The following LRBA variants were observed in gnomAD, a reference collection of about 807,000 sequenced individuals.
LRBA encodes lipopolysaccharide-responsive and beige-like anchor protein.
A neutral mutation model predicts 330.0 loss-of-function variants in LRBA; 176 were observed. That is an observed-to-expected ratio of 0.53 (90% CI 0.47 to 0.60). The LOEUF is 0.60. LRBA is among the 20% of genes least tolerant of loss of function. The pLI is 0.00. For missense variants in LRBA, 3,259 were observed against 3,444.8 expected (o/e 0.95, Z 1.35); for synonymous variants, 1,230 against 1,193.0 (o/e 1.03, Z -0.64).
chr4:150,857,679 T>C (rs942940285), intron 22 of LRBA, among the ~76,000 whole-genome samples: 29 of 152,128 alleles, frequency 1.9e-4, no homozygotes, highest in East Asian at 1.2e-3. Context: ...AAGGAACAGA[T>C]AAAGTATGAT....
chr4:150,761,850 A>G lies in LRBA; in HGVS notation c.5581-3T>C. ...TTCTGAATAGAATTTTGCCACTCCT[A>G]TAAAAAAAAAAGCAAAAATAGCTGA... On this transcript the variant is annotated splice_region_variant and splice_polypyrimidine_tract_variant and intron_variant, in intron 34 of 56. Coordinates refer to ENST00000651943, the MANE Select transcript of LRBA (RefSeq NM_001364905.1). 3 of 1,508,462 alleles carry G rather than the reference A, an allele frequency of 2.0e-6. No individual in the cohort carries two copies. Among genetic ancestry groups the G allele is most frequent in the Middle Eastern group, 3.5e-4 (2 of 5,682 alleles). The allele number at this position is 1,508,462 out of a possible 1,614,324, so 93.4% of individuals were successfully genotyped here.
At chr4:150,548,491 T>C (rs1766129987) in intron 40 of LRBA, among the ~76,000 whole-genome samples, 1 of 151,490 alleles carries the variant, frequency 6.6e-6, no homozygotes, top group African/African-American at 2.4e-5. Context: ...ACCAAAACAA[T>C]AGGAAACTGA....
At chr4:150,942,120 A>G (rs1197631407) in intron 2 of LRBA, among the ~76,000 whole-genome samples, 1 of 152,190 alleles carries the variant, frequency 6.6e-6, no homozygotes, top group Non-Finnish European at 1.5e-5. Flanking sequence ...TGAGTCCAAA[A>G]TATTTCCTAA....
intron 37 of LRBA, among the ~76,000 whole-genome samples, chr4:150,682,252 A>G (rs1214716090): frequency 6.6e-6 from 1 of 152,206 alleles, no homozygotes; most frequent in Non-Finnish European, 1.5e-5. Context: ...TTGAAACTCT[A>G]AAACCCTCAA....
At chr4:150,754,521 CAAAAAAAAA>C (rs755838647) in intron 35 of LRBA, among the ~76,000 whole-genome samples, 4 of 86,066 alleles carry the variant, frequency 4.6e-5, no homozygotes, top group Non-Finnish European at 8.3e-5. Context: ...CCTGTCTCAC[CAAAAAAAAA>C]AAAAAAAAAA....
chr4:150,648,167 A>AAAAAAAAAAAAAAAAAAAAAC (rs1268462951), intron 37 of LRBA, among the ~76,000 whole-genome samples: 1 of 142,898 alleles, frequency 7.0e-6, no homozygotes, highest in African/African-American at 2.5e-5. Flanking sequence ...GCAAAAAAAA[A>AAAAAAAAAAAAAAAAAAAAAC]AAAAAAAAAA....
At chr4:150,303,804 A>G (rs1729997715) in intron 52 of LRBA, among the ~76,000 whole-genome samples, 1 of 152,090 alleles carries the variant, frequency 6.6e-6, no homozygotes, top group Admixed American at 6.5e-5. Flanking sequence ...CGATCTCCTG[A>G]CCTTGTAATC....
intron 49 of LRBA, 46 bp downstream of exon 49, chr4:150,325,763 A>T: frequency 8.0e-7 from 1 of 1,246,534 alleles, no homozygotes; most frequent in South Asian, 1.2e-5. Context: ...TATCAAGCGG[A>T]TCTGAAGGAG....
At chr4:150,542,115 A>G (rs367636278) in intron 40 of LRBA, among the ~76,000 whole-genome samples, 4 of 152,318 alleles carry the variant, frequency 2.6e-5, no homozygotes, top group South Asian at 4.2e-4. Flanking sequence ...GTACTTATTA[A>G]CCAGCTTTTT....
intron 17 of LRBA, among the ~76,000 whole-genome samples, chr4:150,889,345 C>CA (rs547457809): frequency 4.3e-4 from 65 of 151,630 alleles, no homozygotes; most frequent in African/African-American, 1.4e-3. Flanking sequence ...TTAATCTCAT[C>CA]AAAAAAACAC....
intron 40 of LRBA, among the ~76,000 whole-genome samples, chr4:150,527,677 C>T (rs1159079675): frequency 6.6e-6 from 1 of 152,178 alleles, no homozygotes; most frequent in Non-Finnish European, 1.5e-5. Flanking sequence ...TTTCTCAGCA[C>T]TATCCTGCTC....
intron 2 of LRBA, among the ~76,000 whole-genome samples, chr4:150,972,798 G>T (rs977610499): frequency 3.9e-5 from 6 of 152,198 alleles, no homozygotes; most frequent in Non-Finnish European, 7.3e-5. Context: ...AAACAAAGCA[G>T]TTATTTCCTG....
In LRBA at chr4:150,852,910, T is replaced by C. The variant is rs771120128; in HGVS notation, c.2800A>G (p.Asn934Asp). The C allele has an allele frequency of 5.0e-6, 8 of 1,587,618 alleles. No individual in the cohort carries two copies. The South Asian group carries it at 9.4e-5, about 19-fold the overall frequency. The change falls in exon 23 of 57, where the codon AAT (asparagine) becomes GAT (aspartate). Residue 934 changes from asparagine to aspartate, a missense_variant. Transcript: ENST00000651943. ...TFEIHKENLA[N>D]IFREQQGKVD... ...TTTCCTTGCTGTTCCCTAAATATAT[T>C]GGCAAGGTTTTCTTTGTGTATTTCA...
chr4:150,848,917 CA>C lies in LRBA; in HGVS notation c.4239del (p.Val1414TrpfsTer33), dbSNP rs2126905499. On this transcript the variant is annotated frameshift_variant, in exon 26 of 57. Coordinates refer to ENST00000651943, the MANE Select transcript of LRBA (RefSeq NM_001364905.1). LOFTEE classifies it high-confidence loss of function. The part of the protein sequence containing the change: ...SVTFLQRLIS[L>X]VDVLIFASSL... ...GAACTTGCAAATATAAGCACATCCA[CA>C]AGGCTAATTAGCCTCTGCAAAAATG... 6.2e-7 allele frequency: 1 copy of C among 1,612,812 alleles called. No homozygotes were observed. The highest frequency in any genetic ancestry group is 8.5e-7 in the Non-Finnish European group (1 of 1,179,082).
At chr4:150,516,278 C>G (rs1762354672) in intron 40 of LRBA, among the ~76,000 whole-genome samples, 1 of 119,520 alleles carries the variant, frequency 8.4e-6, no homozygotes, top group Non-Finnish European at 1.6e-5. Flanking sequence ...AAGCTGATAG[C>G]ACAGCTTAAT....
At chr4:150,731,608 T>G (rs1213621025) in intron 36 of LRBA, among the ~76,000 whole-genome samples, 2 of 152,150 alleles carry the variant, frequency 1.3e-5, no homozygotes, top group African/African-American at 4.8e-5. Flanking sequence ...ATTGAACTTG[T>G]TCAGTTGAAC....
intron 32 of LRBA, 133 bp from the exon 33 acceptor site, chr4:150,806,537 A>C: frequency 2.4e-6 from 1 of 420,284 alleles, no homozygotes. Context: ...AAGAGACATT[A>C]CTGCTATGCA....
At position 150,852,259 on chromosome 4, in the gene LRBA, C is replaced by G; in HGVS notation, c.3451G>C (p.Asp1151His). The stretch of plus-strand genomic sequence containing the variant: ...CCTTCTTGAAATATTAATTTGTCAT[C>G]ATTACCAAACATGTCCAGTTTTTCA... The part of the protein sequence containing the change: ...AGEKLDMFGN[D>H]DKLIFQEGKP... The change falls in exon 23 of 57, where the codon GAT (aspartate) becomes CAT (histidine). Residue 1151 changes from aspartate to histidine, a missense_variant. Asp to His is a moderately conservative substitution (Grantham distance 81). Transcript: ENST00000651943. 6.2e-7 allele frequency: 1 copy of G among 1,614,098 alleles called. No individual in the cohort carries two copies.
chr4:150,684,906 A>C (rs1053644559), intron 36 of LRBA, among the ~76,000 whole-genome samples: 1 of 152,100 alleles, frequency 6.6e-6, no homozygotes, highest in African/African-American at 2.4e-5. Flanking sequence ...CCACCACCCC[A>C]GCAACAAATA....
Sources: gnomAD v4.1 joint callset for allele counts (sites outside exome capture counted in the v4.1 genomes callset) on GRCh38, gnomAD v4.1.1 for gene constraint, MANE v1.5 for transcripts, NCBI Gene and HGNC (gene_info 2026-07-23, HGNC 2026-07-21) for gene names.